The following ZNF235 variants were observed in gnomAD, a reference collection of about 807,000 sequenced individuals.
ZNF235 encodes zinc finger protein 235, also known as zfp-93.
A neutral mutation model predicts 29.4 loss-of-function variants in ZNF235; 25 were observed. The ratio of observed to expected loss-of-function variants is 0.85; its 90% CI spans 0.62 to 1.19. ZNF235 has a LOEUF of 1.19. ZNF235 is among the 50% of genes most tolerant of loss of function. ZNF235 has a pLI of 0.00. For synonymous variants in ZNF235, 300 were observed against 295.3 expected (o/e 1.02, Z -0.16); for missense variants, 788 against 885.0 (o/e 0.89, Z 1.39).
intron 1 of ZNF235, chr19:44,304,746 G>C (rs543019721): frequency 3.0e-6 from 3 of 985,490 alleles, no homozygotes; most frequent in East Asian, 1.1e-4. Flanking sequence ...TGGTAGGTGC[G>C]TGAGGACGGC....
chr19:44,301,224 G>A (rs1975732136), intron 2 of ZNF235, among the ~76,000 whole-genome samples: 1 of 152,096 alleles, frequency 6.6e-6, no homozygotes. Context: ...CATAAAGTTT[G>A]TATATGGTGT....
Position 44,289,084 on chromosome 19 carries a change from G to A in ZNF235, c.351C>T (p.Ala117=). The part of the protein sequence containing the change: ...QIKRHIASKL[A]RSQDSMINIE... ...TATTTATCATGGAGTCTTGACTTCTGGCTAATTTGCTCGCAATGTGTCTCT... is the reference window on the plus strand; with the variant it reads ...TATTTATCATGGAGTCTTGACTTCTAGCTAATTTGCTCGCAATGTGTCTCT... Residue 117 remains alanine, a synonymous_variant, in exon 5 of 5, where the codon GCC becomes GCT. Coordinates refer to ENST00000291182, the MANE Select transcript of ZNF235 (RefSeq NM_004234.4). 1.2e-6 allele frequency: 2 copies of A among 1,614,096 alleles called. No homozygotes were observed. Among genetic ancestry groups the A allele is most frequent in the South Asian group, 1.1e-5 (1 of 91,080 alleles).
chr19:44,299,158 A>T (rs1368331595), intron 3 of ZNF235, among the ~76,000 whole-genome samples: 1 of 152,230 alleles, frequency 6.6e-6, no homozygotes, highest in African/African-American at 2.4e-5. Flanking sequence ...CCTTACGGCA[A>T]GCAGCAGCAG....
chr19:44,299,711 C>G lies in ZNF235; in HGVS notation c.37G>C (p.Val13Leu). 6.2e-7 allele frequency: 1 copy of G among 1,614,132 alleles called. No individual in the cohort carries two copies. Among genetic ancestry groups the G allele is most frequent in the Non-Finnish European group, 8.5e-7 (1 of 1,179,984 alleles). Residue 13 changes from valine (V) to leucine (L), a missense_variant, in exon 3 of 5, where the codon GTG (valine) becomes CTG (leucine). Coordinates refer to ENST00000291182, the MANE Select transcript of ZNF235 (RefSeq NM_004234.4). ...TCCTCCTCAGTGAAGGCCACAGCCA[C>G]ATCCTTGAATGTCACTGCCTCCTAG... ...KFQEAVTFKD[V>L]AVAFTEEELG...
At position 44,299,705 on chromosome 19, in the gene ZNF235, C is replaced by T. The variant is rs746009066; in HGVS notation, c.43G>A (p.Val15Met). The change falls in exon 3 of 5, where the codon GTG (valine) becomes ATG (methionine). Residue 15 changes from valine (V) to methionine (M), a missense_variant. Coordinates refer to ENST00000291182, the MANE Select transcript of ZNF235 (RefSeq NM_004234.4). ...QEAVTFKDVA[V>M]AFTEEELGLL... ...CCCAGCTCCTCCTCAGTGAAGGCCA[C>T]AGCCACATCCTTGAATGTCACTGCC... 2.5e-6 allele frequency: 4 copies of T among 1,614,112 alleles called. No homozygotes were observed. Among genetic ancestry groups the T allele is most frequent in the Non-Finnish European group, 3.4e-6 (4 of 1,179,994 alleles).
intron 4 of ZNF235, among the ~76,000 whole-genome samples, chr19:44,298,448 A>G (rs1482461928): frequency 2.0e-5 from 3 of 151,660 alleles, no homozygotes; most frequent in East Asian, 1.9e-4. Flanking sequence ...CCAGGTTGCA[A>G]TGCAGTAGCA....
rs71362681 is a variant in ZNF235 at position 44,295,482 on chromosome 19, C to T, written c.238+3326G>A. On this transcript the variant is annotated intron_variant, in intron 4 of 4. Transcript: ENST00000291182. ...GGAAAAACATCCCATGTTCATGGAT[C>T]GGCAGAATCAATATTGTTAAAAAGA... 4.5e-3 allele frequency among the ~76,000 whole-genome samples: 690 copies of T among 152,016 alleles called. 3 individuals carry two copies. Among genetic ancestry groups the T allele is most frequent in the Non-Finnish European group, 7.7e-3 (521 of 67,936 alleles).
At chr19:44,296,578 G>C (rs535000372) in intron 4 of ZNF235, among the ~76,000 whole-genome samples, 3 of 152,168 alleles carry the variant, frequency 2.0e-5, no homozygotes, top group South Asian at 4.2e-4. Context: ...AAGGACATAA[G>C]CAATTTTAGA....
chr19:44,304,368 C>T (rs1183144557), intron 1 of ZNF235, among the ~76,000 whole-genome samples: 1 of 152,174 alleles, frequency 6.6e-6, no homozygotes, highest in Non-Finnish European at 1.5e-5. Context: ...ACACACAGGA[C>T]ATTCCCCAGG....
chr19:44,299,149 C>G (rs1213512983), intron 3 of ZNF235, among the ~76,000 whole-genome samples: 3 of 152,176 alleles, frequency 2.0e-5, no homozygotes, highest in Non-Finnish European at 4.4e-5. Flanking sequence ...CATCACATCC[C>G]TTACGGCAAG....
chr19:44,288,601 A>G lies in ZNF235; in HGVS notation c.834T>C (p.Leu278=). ...CCAAGTGTACCTGTTTATGAAGTTC[A>G]AGACTGGAGCTATCATTGAAGGCTT... is the stretch of plus-strand genomic sequence containing the variant. ...CEEAFNDSSS[L]ELHKQVHLGK... is the part of the protein sequence containing the mutation. Residue 278 remains leucine (L), a synonymous_variant, in exon 5 of 5, where the codon CTT becomes CTC. Transcript: ENST00000291182. 2 of 1,614,116 alleles carry G rather than the reference A, an allele frequency of 1.2e-6. No individual in the cohort carries two copies.
chr19:44,301,033 G>C (rs187001993), intron 2 of ZNF235, among the ~76,000 whole-genome samples: 243 of 151,848 alleles, frequency 1.6e-3, no homozygotes, highest in Non-Finnish European at 2.4e-3. Flanking sequence ...GAGTAATTTG[G>C]TGAGTGATAT....
chr19:44,303,136 T>C (rs1430768821), intron 2 of ZNF235, among the ~76,000 whole-genome samples: 1 of 144,156 alleles, frequency 6.9e-6, no homozygotes, highest in Non-Finnish European at 1.5e-5. Context: ...TATATATTTG[T>C]ATATAAATAT....
At chr19:44,302,994 A>G (rs960941362) in intron 2 of ZNF235, among the ~76,000 whole-genome samples, 21 of 131,688 alleles carry the variant, frequency 1.6e-4, no homozygotes, top group Admixed American at 1.2e-3. Flanking sequence ...ATATATAAAT[A>G]TATACATATA....
chr19:44,302,767 CAT>C (rs56300217), intron 2 of ZNF235, among the ~76,000 whole-genome samples: 96,909 of 140,612 alleles, frequency 0.69, 33,394 homozygotes, highest in South Asian at 0.78. Flanking sequence ...TTTATATTTA[CAT>C]ATATATATAT....
intron 4 of ZNF235, among the ~76,000 whole-genome samples, chr19:44,298,221 C>T (rs1396732624): frequency 2.0e-5 from 3 of 152,084 alleles, no homozygotes; most frequent in Non-Finnish European, 4.4e-5. Context: ...ATCTGAGGAA[C>T]AAGTGAGGGT....
At chr19:44,297,834 G>C (rs934358677) in intron 4 of ZNF235, among the ~76,000 whole-genome samples, 3 of 152,146 alleles carry the variant, frequency 2.0e-5, no homozygotes, top group African/African-American at 7.2e-5. Flanking sequence ...ATAAGGAAGA[G>C]GGGCTGGGCG....
rs1975526805 is a variant in ZNF235 at position 44,288,343 on chromosome 19, A to G, written c.1092T>C (p.Ala364=). The stretch of plus-strand genomic sequence containing the variant: ...TCTCTCCTGTGTGAATAGGCAAATG[A>G]GCATAAAGATGTGAGCTCTGATTAA... The part of the protein sequence containing the change: ...KSFNQSSHLY[A]HLPIHTGEKP... The change falls in exon 5 of 5, where the codon GCT becomes GCC. Residue 364 remains alanine (A), a synonymous_variant. Transcript: ENST00000291182. The G allele has an allele frequency of 3.1e-6, 5 of 1,613,934 alleles. No homozygotes were observed. The highest frequency in any genetic ancestry group is 4.2e-6 in the Non-Finnish European group (5 of 1,179,964).
At chr19:44,304,890 A>G (rs1365046708) in intron 1 of ZNF235, 81 bp downstream of exon 1, 24 of 985,336 alleles carry the variant, frequency 2.4e-5, no homozygotes, top group African/African-American at 5.2e-5. Context: ...CTCTTCCCCA[A>G]GCCAAGGACG....
Sources: gnomAD v4.1 joint callset for allele counts (sites outside exome capture counted in the v4.1 genomes callset) on GRCh38, gnomAD v4.1.1 for gene constraint, MANE v1.5 for transcripts, NCBI Gene and HGNC (gene_info 2026-07-23, HGNC 2026-07-21) for gene names.